PPP1R12A: variants seen among roughly 807,000 people sequenced by gnomAD.
The protein encoded by PPP1R12A is myosin binding subunit.
Under a neutral mutation model 139.6 loss-of-function variants are expected in PPP1R12A, and 19 were observed. That is an observed-to-expected ratio of 0.14 (90% CI 0.09 to 0.20). PPP1R12A has a LOEUF of 0.20. Ranked by LOEUF, PPP1R12A falls within the 10% of genes least tolerant of loss-of-function variation. PPP1R12A has a pLI of 1.00. For synonymous variants in PPP1R12A, 427 were observed against 420.6 expected (o/e 1.02, Z -0.19); for missense variants, 925 against 1,211.5 (o/e 0.76, Z 3.51).
intron 9 of PPP1R12A, among the ~76,000 whole-genome samples, chr12:79,810,671 A>G (rs373369410): frequency 6.6e-6 from 1 of 152,220 alleles, no homozygotes; most frequent in African/African-American, 2.4e-5. Flanking sequence ...GTCACTGGGA[A>G]CAAGTTCTAA....
At chr12:79,907,251 CCTT>C (rs1334291560) in intron 1 of PPP1R12A, among the ~76,000 whole-genome samples, 4 of 152,082 alleles carry the variant, frequency 2.6e-5, no homozygotes, top group African/African-American at 9.7e-5. Flanking sequence ...CAGACTCTGT[CCTT>C]CTTTTAGCTC....
chr12:79,844,613 A>G (rs1209839879), intron 3 of PPP1R12A, among the ~76,000 whole-genome samples: 1 of 152,130 alleles, frequency 6.6e-6, no homozygotes, highest in Non-Finnish European at 1.5e-5. Flanking sequence ...GTCTTCCTAC[A>G]ATCTATTTTC....
chr12:79,932,223 A>G (rs1473930121), intron 1 of PPP1R12A, among the ~76,000 whole-genome samples: 1 of 152,212 alleles, frequency 6.6e-6, no homozygotes, highest in Non-Finnish European at 1.5e-5. Flanking sequence ...AGTTTTTACA[A>G]TTAAGTATGG....
chr12:79,931,008 GAAGA>G (rs1402660072), intron 1 of PPP1R12A, among the ~76,000 whole-genome samples: 1 of 152,186 alleles, frequency 6.6e-6, no homozygotes, highest in African/African-American at 2.4e-5. Flanking sequence ...TAGACTTGAT[GAAGA>G]AAGATAGACC....
chr12:79,822,281 G>A (rs1317055668), intron 5 of PPP1R12A, 91 bp from the exon 6 acceptor site: 1 of 855,130 alleles, frequency 1.2e-6, no homozygotes, highest in South Asian at 1.7e-5. Context: ...ATATAAAGAC[G>A]TTGGATAACA....
At chr12:79,842,132 C>T (rs749262664) in intron 3 of PPP1R12A, among the ~76,000 whole-genome samples, 10 of 151,952 alleles carry the variant, frequency 6.6e-5, no homozygotes, top group Admixed American at 5.2e-4. Context: ...TCAGCCTGAC[C>T]AACACAGTAA....
At chr12:79,927,093 T>G (rs996080769) in intron 1 of PPP1R12A, among the ~76,000 whole-genome samples, 10 of 151,944 alleles carry the variant, frequency 6.6e-5, no homozygotes, top group Non-Finnish European at 1.2e-4. Flanking sequence ...ATCGGGAGGC[T>G]GAGGTGGGAG....
intron 1 of PPP1R12A, among the ~76,000 whole-genome samples, chr12:79,931,146 A>C (rs1415560949): frequency 6.6e-6 from 1 of 152,216 alleles, no homozygotes; most frequent in Non-Finnish European, 1.5e-5. Flanking sequence ...AGTATCTCTA[A>C]TGTTAACGGA....
chr12:79,835,293 A>T (rs1877935600), intron 3 of PPP1R12A, among the ~76,000 whole-genome samples: 1 of 152,040 alleles, frequency 6.6e-6, no homozygotes, highest in African/African-American at 2.4e-5. Flanking sequence ...TTGAACTTGG[A>T]CTGAAACACG....
chr12:79,892,220 A>C (rs777191493), intron 1 of PPP1R12A, among the ~76,000 whole-genome samples: 24 of 152,194 alleles, frequency 1.6e-4, no homozygotes, highest in Non-Finnish European at 2.4e-4. Context: ...TCATCAAGTA[A>C]GAGTTACCTA....
At chr12:79,790,415 A>G (rs36114688) in intron 20 of PPP1R12A, 52 bp downstream of exon 20, 3 of 1,177,072 alleles carry the variant, frequency 2.5e-6, no homozygotes, top group Non-Finnish European at 3.5e-6. Flanking sequence ...CACATTTTTA[A>G]CAAAGATAAA....
At chr12:79,926,777 A>G (rs1480283440) in intron 1 of PPP1R12A, among the ~76,000 whole-genome samples, 2 of 152,074 alleles carry the variant, frequency 1.3e-5, no homozygotes, top group African/African-American at 2.4e-5. Flanking sequence ...CCTTAAGGGT[A>G]TATAAGGGAC....
intron 19 of PPP1R12A, among the ~76,000 whole-genome samples, chr12:79,792,983 G>A (rs935625245): frequency 2.0e-5 from 3 of 152,118 alleles, no homozygotes; most frequent in African/African-American, 4.8e-5. Flanking sequence ...AATGTTCACC[G>A]TCACCTAGCA....
chr12:79,859,794 A>G (rs1465209726), intron 2 of PPP1R12A, among the ~76,000 whole-genome samples: 1 of 152,182 alleles, frequency 6.6e-6, no homozygotes, highest in African/African-American at 2.4e-5. Context: ...GTGCAAGTCT[A>G]CAGTCCTAGC....
chr12:79,805,922 C>A, intron 13 of PPP1R12A, 154 bp from the exon 14 acceptor site: 1 of 955,824 alleles, frequency 1.0e-6, no homozygotes. Context: ...AAAAGCTCAC[C>A]CAGAGTTGTC....
Position 79,872,922 on chromosome 12 carries a change from T to C in PPP1R12A, c.254A>G (p.Asn85Ser), listed in dbSNP as rs370959842. Residue 85 changes from asparagine to serine, a missense_variant, in exon 2 of 25, where the codon AAT (asparagine) becomes AGT (serine). By Grantham distance (46) the Asn-to-Ser change is conservative. Coordinates refer to ENST00000450142, the MANE Select transcript of PPP1R12A (RefSeq NM_002480.3). ...TALHQACIDD[N>S]VDMVKFLVEN... ...TACCAGAAACTTCACCATATCAACA[T>C]TGTCATCAATGCAAGCCTAAAAACA... 4.2e-5 allele frequency: 68 copies of C among 1,612,938 alleles called. No homozygotes were observed. The highest frequency in any genetic ancestry group is 5.3e-5 in the Non-Finnish European group (62 of 1,179,618).
intron 1 of PPP1R12A, among the ~76,000 whole-genome samples, chr12:79,918,487 A>G (rs1186526897): frequency 6.6e-6 from 1 of 152,192 alleles, no homozygotes; most frequent in Admixed American, 6.5e-5. Context: ...GTAAGCACAC[A>G]ATATTTACTG....
At chr12:79,788,400 AC>A (rs1871378115) in intron 21 of PPP1R12A, 1 of 352,648 alleles carries the variant, frequency 2.8e-6, no homozygotes. Context: ...CATTTATTGA[AC>A]GCTCCTTTCC....
At chr12:79,896,593 A>G (rs1325513322) in intron 1 of PPP1R12A, among the ~76,000 whole-genome samples, 2 of 152,184 alleles carry the variant, frequency 1.3e-5, no homozygotes, top group Non-Finnish European at 2.9e-5. Flanking sequence ...TCAGCCTCCC[A>G]AAGTGCTGAG....
Sources: gnomAD v4.1 joint callset for allele counts (sites outside exome capture counted in the v4.1 genomes callset) on GRCh38, gnomAD v4.1.1 for gene constraint, MANE v1.5 for transcripts, NCBI Gene and HGNC (gene_info 2026-07-23, HGNC 2026-07-21) for gene names.